Variants in PALM2AKAP2 observed in about 807,000 individuals in gnomAD.
PALM2AKAP2 encodes PALM2 and AKAP2 fusion.
Under a neutral mutation model 71.5 loss-of-function variants are expected in PALM2AKAP2, and 37 were observed. The observed-to-expected ratio is 0.52, with a 90% confidence interval of 0.40 to 0.68. The LOEUF is 0.68. Among genes scored for constraint, PALM2AKAP2 ranks in the 30% least tolerant of loss-of-function variants. The probability of loss-of-function intolerance (pLI) is 0.00; values close to 1 mark genes in which losing one functional copy is unlikely to be tolerated. For synonymous variants in PALM2AKAP2, 468 were observed against 478.8 expected (o/e 0.98, Z 0.29); for missense variants, 1,224 against 1,191.8 (o/e 1.03, Z -0.40).
chr9:109,666,571 T>C (rs1011883817), intron 1 of PALM2AKAP2, among the ~76,000 whole-genome samples: 1 of 152,202 alleles, frequency 6.6e-6, no homozygotes, highest in Non-Finnish European at 1.5e-5. Context: ...AAATTTCACT[T>C]CTCTCCCACT....
At chr9:110,009,585 G>A (rs1832843004) in intron 6 of PALM2AKAP2, among the ~76,000 whole-genome samples, 2 of 151,866 alleles carry the variant, frequency 1.3e-5, no homozygotes, top group African/African-American at 4.8e-5. Flanking sequence ...GTGGTAGCGG[G>A]CGCCTGTAGT....
chr9:110,046,851 T>G (rs189020443), upstream of PALM2AKAP2, among the ~76,000 whole-genome samples: 94 of 152,184 alleles, frequency 6.2e-4, no homozygotes, highest in African/African-American at 1.9e-3. Context: ...GAGAAGGGAG[T>G]GATGAAGTAC....
intron 1 of PALM2AKAP2, among the ~76,000 whole-genome samples, chr9:110,135,183 A>ATG (rs899637641): frequency 9.0e-6 from 1 of 111,282 alleles, no homozygotes; most frequent in Non-Finnish European, 1.9e-5. Flanking sequence ...ATATATATAT[A>ATG]TATATAAATC....
chr9:110,136,467 C>T, exon 2 of PALM2AKAP2: 1 of 1,614,198 alleles, frequency 6.2e-7, no homozygotes, highest in South Asian at 1.1e-5. Context: ...AATGGAACAT[C>T]CTCCCCAGAG....
intron 1 of PALM2AKAP2, chr9:109,866,957 T>C: frequency 2.2e-6 from 1 of 448,574 alleles, no homozygotes; most frequent in Non-Finnish European, 4.5e-6. Context: ...ATTTGCATTG[T>C]TTGGTATGTC....
chr9:109,653,191 A>C (rs1441886587), intron 1 of PALM2AKAP2, among the ~76,000 whole-genome samples: 2 of 152,240 alleles, frequency 1.3e-5, no homozygotes, highest in Non-Finnish European at 2.9e-5. Flanking sequence ...AGGAATCAGA[A>C]ACTCAGCTTT....
upstream of PALM2AKAP2, among the ~76,000 whole-genome samples, chr9:109,777,363 T>G (rs770798166): frequency 6.6e-6 from 1 of 152,236 alleles, no homozygotes; most frequent in Non-Finnish European, 1.5e-5. Context: ...CCTTCCTTTT[T>G]GACTGTATCT....
intron 1 of PALM2AKAP2, among the ~76,000 whole-genome samples, chr9:109,663,560 T>C (rs923395648): frequency 4.6e-5 from 7 of 152,214 alleles, no homozygotes; most frequent in African/African-American, 1.7e-4. Context: ...GACAGTTTGT[T>C]GTGATTTCTG....
At chr9:109,713,104 C>T (rs768055054) in intron 1 of PALM2AKAP2, among the ~76,000 whole-genome samples, 3 of 152,168 alleles carry the variant, frequency 2.0e-5, no homozygotes, top group Non-Finnish European at 4.4e-5. Context: ...AGATCAGGAT[C>T]CCCATCACCT....
chr9:109,752,248 T>A (rs1828897167), intron 1 of PALM2AKAP2, among the ~76,000 whole-genome samples: 1 of 152,144 alleles, frequency 6.6e-6, no homozygotes, highest in Admixed American at 6.6e-5. Flanking sequence ...GAAGGTAGAA[T>A]GCAAGAAGAC....
intron 1 of PALM2AKAP2, among the ~76,000 whole-genome samples, chr9:109,758,971 A>C (rs376416992): frequency 6.6e-6 from 1 of 151,946 alleles, no homozygotes; most frequent in African/African-American, 2.4e-5. Context: ...TTGTGTTTCA[A>C]GCTATTTGTA....
At chr9:110,090,234 C>T in intron 1 of PALM2AKAP2, 1 of 410,298 alleles carries the variant, frequency 2.4e-6, no homozygotes, top group South Asian at 1.8e-5. Context: ...GAGCTCAGTC[C>T]TGCTTCCCCT....
At chr9:109,933,231 A>G (rs1200511584) in intron 6 of PALM2AKAP2, among the ~76,000 whole-genome samples, 2 of 152,236 alleles carry the variant, frequency 1.3e-5, no homozygotes, top group Admixed American at 1.3e-4. Flanking sequence ...GTTATGCTTC[A>G]AAGGACTCAC....
intron 6 of PALM2AKAP2, among the ~76,000 whole-genome samples, chr9:109,994,581 C>T (rs936338017): frequency 6.6e-6 from 1 of 152,182 alleles, no homozygotes; most frequent in Non-Finnish European, 1.5e-5. Context: ...CCCCCTCACC[C>T]CACTCACAAA....
intron 6 of PALM2AKAP2, among the ~76,000 whole-genome samples, chr9:110,011,012 A>ATATATATATATATATATATATATAT (rs59242587): frequency 4.4e-5 from 4 of 90,496 alleles, no homozygotes; most frequent in African/African-American, 6.2e-5. Context: ...AAAAAAAAAA[A>ATATATATATATATATATATATATAT]AAATATATAT....
intron 1 of PALM2AKAP2, among the ~76,000 whole-genome samples, chr9:110,088,394 T>A (rs939547707): frequency 2.6e-5 from 4 of 152,226 alleles, no homozygotes; most frequent in South Asian, 4.1e-4. Context: ...TATACTTCTA[T>A]GCAAATGAAG....
intron 1 of PALM2AKAP2, among the ~76,000 whole-genome samples, chr9:109,691,828 AAGACG>A (rs1326151594): frequency 2.9e-5 from 3 of 104,002 alleles, no homozygotes; most frequent in Non-Finnish European, 3.8e-5. Flanking sequence ...CCAATCCAGA[AAGACG>A]ATATATATAT....
chr9:110,023,305 C>CTTTTTTTTTTTTTTTT lies in PALM2AKAP2; in HGVS notation c.582+7277_582+7292dup, dbSNP rs149672913. Reference sequence around the variant, plus strand: ...GTGAGATGGTATCTCATTGTGGTTTCTTTTTTTTTTTTTTTTTTTTTTTTT... The same window carrying CTTTTTTTTTTTTTTTT: ...GTGAGATGGTATCTCATTGTGGTTTCTTTTTTTTTTTTTTTTTTTTTTTTTTTTTTTTTTTTTTTTT... On this transcript the variant is annotated intron_variant, in intron 7 of 9. Transcript: ENST00000302798. Among the ~76,000 whole-genome samples the CTTTTTTTTTTTTTTTT allele has an allele frequency of 4.5e-4, 33 of 74,044 alleles. 8 individuals are homozygous for CTTTTTTTTTTTTTTTT. The highest frequency in any genetic ancestry group is 1.2e-3 in the African/African-American group (20 of 16,186). The allele number at this position is 74,044 out of a possible 152,430, so 48.6% of individuals were successfully genotyped here.
chr9:109,660,445 T>C (rs1827375093), intron 1 of PALM2AKAP2, among the ~76,000 whole-genome samples: 1 of 152,124 alleles, frequency 6.6e-6, no homozygotes, highest in Admixed American at 6.5e-5. Flanking sequence ...GAACATGCTG[T>C]GTTTGGTTTT....
Sources: gnomAD v4.1 joint callset for allele counts (sites outside exome capture counted in the v4.1 genomes callset) on GRCh38, gnomAD v4.1.1 for gene constraint, MANE v1.5 for transcripts, NCBI Gene and HGNC (gene_info 2026-07-23, HGNC 2026-07-21) for gene names.